Variants in SNRPN observed in about 807,000 individuals in gnomAD.
SNRPN encodes the protein small nuclear ribonucleoprotein polypeptide N, also known as small nuclear ribonucleoprotein-associated protein N.
In SNRPN, 7 loss-of-function variants were observed where a neutral mutation model predicts 25.2. The observed-to-expected ratio is 0.28, with a 90% CI of 0.16 to 0.52. SNRPN has a LOEUF of 0.52. SNRPN is among the 20% of genes least tolerant of loss of function. SNRPN has a pLI of 0.96. For synonymous variants in SNRPN, 124 were observed against 110.6 expected (o/e 1.12, Z -0.76); for missense variants, 196 against 322.5 (o/e 0.61, Z 3.00).
intron 8 of SNRPN, 88 bp from the exon 9 acceptor site, chr15:24,978,105 G>A: frequency 7.2e-7 from 1 of 1,385,120 alleles, no homozygotes; most frequent in South Asian, 1.2e-5. Flanking sequence ...TTGTTGTCTG[G>A]CCCATTTCTT....
At chr15:24,922,702 T>C (rs2060100243) in intron 3 of SNRPN, among the ~76,000 whole-genome samples, 1 of 152,118 alleles carries the variant, frequency 6.6e-6, no homozygotes, top group Non-Finnish European at 1.5e-5. Flanking sequence ...TCTGTATTTA[T>C]CCATGTTGTG....
At chr15:24,890,474 A>G (rs1353722036) in intron 2 of SNRPN, among the ~76,000 whole-genome samples, 2 of 152,142 alleles carry the variant, frequency 1.3e-5, no homozygotes, top group Non-Finnish European at 2.9e-5. Context: ...CAGGAGTTCA[A>G]GACAAGCCTG....
chr15:24,871,657 A>G (rs934443930), intron 1 of SNRPN, among the ~76,000 whole-genome samples: 2 of 151,684 alleles, frequency 1.3e-5, no homozygotes, highest in Non-Finnish European at 2.9e-5. Flanking sequence ...ACAATCTTTT[A>G]TATATTCTGA....
At chr15:24,896,518 G>C (rs571191102) in intron 2 of SNRPN, among the ~76,000 whole-genome samples, 2 of 151,408 alleles carry the variant, frequency 1.3e-5, no homozygotes, top group African/African-American at 4.9e-5. Context: ...AGACCCCCCC[G>C]CCGGCTAACA....
intron 1 of SNRPN, among the ~76,000 whole-genome samples, chr15:24,864,449 T>C (rs1429278403): frequency 6.0e-5 from 9 of 149,426 alleles, no homozygotes; most frequent in Non-Finnish European, 1.0e-4. Context: ...GTTCAAGCGA[T>C]TCTCCTGCCT....
chr15:24,842,100 C>CT (rs1283073842), intron 2 of SNRPN, among the ~76,000 whole-genome samples: 1 of 152,282 alleles, frequency 6.6e-6, no homozygotes, highest in East Asian at 1.9e-4. Flanking sequence ...GCTGATGTCT[C>CT]TGCCTTGGGC....
At chr15:24,908,349 A>C (rs1457364404) in intron 2 of SNRPN, among the ~76,000 whole-genome samples, 1 of 152,164 alleles carries the variant, frequency 6.6e-6, no homozygotes, top group Non-Finnish European at 1.5e-5. Context: ...AAGAGTTTGG[A>C]AGTGCATGCT....
intron 2 of SNRPN, among the ~76,000 whole-genome samples, chr15:24,896,417 C>T (rs1400612009): frequency 1.3e-5 from 2 of 152,140 alleles, no homozygotes; most frequent in Non-Finnish European, 2.9e-5. Context: ...GCTTTGAGTT[C>T]ATTAAAAGGC....
rs1218464985 is a variant in SNRPN at position 24,844,072 on chromosome 15, C to T, written c.-579+14167C>T. 3.9e-5 allele frequency among the ~76,000 whole-genome samples: 6 copies of T among 152,016 alleles called. No individual in the cohort carries two copies. In the South Asian group the frequency reaches 1.2e-3, roughly 32 times the overall value. ...TCCTAACAGAAAATATGGGAATCCC[C>T]GTTACTCCACATCCTTACCAGCACT... On this transcript the variant is annotated intron_variant, in intron 2 of 12. Transcript: ENST00000400100.
intron 3 of SNRPN, among the ~76,000 whole-genome samples, chr15:24,932,084 G>A (rs2060909204): frequency 1.3e-5 from 2 of 151,942 alleles, no homozygotes; most frequent in African/African-American, 4.8e-5. Context: ...GCTGTTGGCT[G>A]GAACAAAGAG....
chr15:24,906,113 G>C (rs1460598533), intron 2 of SNRPN, among the ~76,000 whole-genome samples: 3 of 151,970 alleles, frequency 2.0e-5, no homozygotes, highest in African/African-American at 7.3e-5. Context: ...GAGAATCCTG[G>C]GTTTTTTTGT....
chr15:24,972,350 A>C (rs1214531206), intron 3 of SNRPN, among the ~76,000 whole-genome samples: 2 of 152,260 alleles, frequency 1.3e-5, no homozygotes, highest in African/African-American at 4.8e-5. Flanking sequence ...ATAATATTCA[A>C]AACTTCTAAG....
At chr15:24,871,302 C>T (rs902848076) in intron 1 of SNRPN, among the ~76,000 whole-genome samples, 2 of 151,938 alleles carry the variant, frequency 1.3e-5, no homozygotes, top group African/African-American at 2.4e-5. Flanking sequence ...GTTTTTATTA[C>T]CCTAAAGAAA....
chr15:24,864,651 T>G (rs1410929795), intron 1 of SNRPN, among the ~76,000 whole-genome samples: 1 of 151,316 alleles, frequency 6.6e-6, no homozygotes, highest in Non-Finnish European at 1.5e-5. Flanking sequence ...GCCAATGTTT[T>G]TTTTTGTTTG....
intron 1 of SNRPN, among the ~76,000 whole-genome samples, chr15:24,868,553 C>T (rs1259244941): frequency 2.6e-5 from 4 of 152,182 alleles, no homozygotes; most frequent in Admixed American, 6.5e-5. Flanking sequence ...CCCACACTTA[C>T]AGGGAGAGGA....
At chr15:24,913,688 A>C (rs1255902099) in intron 2 of SNRPN, among the ~76,000 whole-genome samples, 1 of 152,168 alleles carries the variant, frequency 6.6e-6, no homozygotes, top group Non-Finnish European at 1.5e-5. Flanking sequence ...AAAGAAAAAG[A>C]GTGTAGGGGA....
chr15:24,968,186 CTTCAT>C, intron 3 of SNRPN, 104 bp downstream of exon 3: 1 of 730,872 alleles, frequency 1.4e-6, no homozygotes. Context: ...TTCCTTAGAG[CTTCAT>C]ACAATAAACA....
At chr15:24,873,947 G>C (rs763783669) in intron 1 of SNRPN, among the ~76,000 whole-genome samples, 2 of 149,486 alleles carry the variant, frequency 1.3e-5, no homozygotes, top group Non-Finnish European at 3.0e-5. Flanking sequence ...AAGAAACCTC[G>C]CACCTCCCAC....
At chr15:24,875,204 C>G (rs578181370) in intron 1 of SNRPN, among the ~76,000 whole-genome samples, 1 of 152,230 alleles carries the variant, frequency 6.6e-6, no homozygotes, top group South Asian at 2.1e-4. Flanking sequence ...TCATTCAATT[C>G]TCACAACATT....
Sources: gnomAD v4.1 joint callset for allele counts (sites outside exome capture counted in the v4.1 genomes callset) on GRCh38, gnomAD v4.1.1 for gene constraint, MANE v1.5 for transcripts, NCBI Gene and HGNC (gene_info 2026-07-23, HGNC 2026-07-21) for gene names.